MARCHF10: variants seen among roughly 807,000 people sequenced by gnomAD.
MARCHF10 encodes the protein membrane associated ring-CH-type finger 10.
A neutral mutation model predicts 76.2 loss-of-function variants in MARCHF10; 64 were observed. That is an observed-to-expected ratio of 0.84 (90% CI 0.69 to 1.03). MARCHF10 has a LOEUF of 1.03. MARCHF10 is among the 50% of genes least tolerant of loss of function. The pLI is 0.00. For synonymous variants in MARCHF10, 340 were observed against 357.5 expected, an observed-to-expected ratio of 0.95 and a Z score of 0.55; for missense variants, 875 against 958.0, an observed-to-expected ratio of 0.91 and a Z score of 1.14.
chr17:62,701,825 C>T lies in MARCHF10; in HGVS notation c.2372-67G>A, dbSNP rs375530840. The T allele has an allele frequency of 3.1e-5, 50 of 1,596,900 alleles. No individual in the cohort carries two copies. In the Admixed American group the frequency reaches 3.2e-4, roughly 10 times the overall value. ...GACCGTGGGTCTGTTACAGGGGGCA[C>T]GGCACTGCTGCTTCATCTTCTCCCA... On this transcript the variant is annotated intron_variant, in intron 10 of 10. Transcript: ENST00000311269.
chr17:62,786,950 T>G (rs1423531904), intron 3 of MARCHF10, among the ~76,000 whole-genome samples: 1 of 152,220 alleles, frequency 6.6e-6, no homozygotes. Context: ...TTGAATTATA[T>G]TTTCTTATCT....
chr17:62,740,819 G>A (rs1445774874), intron 5 of MARCHF10, among the ~76,000 whole-genome samples: 1 of 151,950 alleles, frequency 6.6e-6, no homozygotes, highest in Non-Finnish European at 1.5e-5. Flanking sequence ...CTAGAGATGG[G>A]GTCTCACTTT....
intron 2 of MARCHF10, among the ~76,000 whole-genome samples, chr17:62,789,746 T>C (rs2148127148): frequency 6.6e-6 from 1 of 152,292 alleles, no homozygotes; most frequent in East Asian, 1.9e-4. Context: ...GAGACCAACC[T>C]GGCCAACATA....
intron 3 of MARCHF10, among the ~76,000 whole-genome samples, chr17:62,779,126 G>A (rs376728296): frequency 2.6e-5 from 4 of 152,268 alleles, no homozygotes; most frequent in South Asian, 2.1e-4. Context: ...CCTCGAGGGC[G>A]CAGAATCTGA....
intron 9 of MARCHF10, chr17:62,707,500 C>A (rs1217215818): frequency 6.6e-6 from 1 of 152,286 alleles, no homozygotes; most frequent in African/African-American, 2.4e-5. Flanking sequence ...GGTTTGCCAC[C>A]AGGCTCCCAA....
At chr17:62,788,434 G>C (rs762484640) in intron 3 of MARCHF10, 46 bp downstream of exon 3, 69 of 1,526,168 alleles carry the variant, frequency 4.5e-5, no homozygotes, top group Middle Eastern at 1.7e-4. Flanking sequence ...ACCACCACCA[G>C]CAGCAGCAGC....
In MARCHF10 at chr17:62,801,767, TAAAC is replaced by T. The variant is rs1283049728; in HGVS notation, c.-17-19_-17-16del. On this transcript the variant is annotated splice_polypyrimidine_tract_variant and intron_variant, in intron 1 of 10. Coordinates refer to ENST00000311269, the MANE Select transcript of MARCHF10 (RefSeq NM_152598.4). Reference sequence around the variant, plus strand: ...TAATCCCTGACCTGCACAGAAAAGATAAACAAATGTGCTGTGTTAGAGTCCTTTG... The same window carrying T: ...TAATCCCTGACCTGCACAGAAAAGATAAATGTGCTGTGTTAGAGTCCTTTG... 5 of 1,560,664 alleles carry T rather than the reference TAAAC, an allele frequency of 3.2e-6. No individual in the cohort carries two copies. The highest frequency in any genetic ancestry group is 4.4e-6 in the Non-Finnish European group (5 of 1,131,446).
At chr17:62,715,142 C>T (rs1490577254) in intron 8 of MARCHF10, among the ~76,000 whole-genome samples, 3 of 152,180 alleles carry the variant, frequency 2.0e-5, no homozygotes, top group Non-Finnish European at 2.9e-5. Flanking sequence ...ATGATGCTAA[C>T]GCTCCTGGTT....
chr17:62,785,204 G>T (rs1470566807), intron 3 of MARCHF10, among the ~76,000 whole-genome samples: 1 of 152,004 alleles, frequency 6.6e-6, no homozygotes, highest in Non-Finnish European at 1.5e-5. Context: ...CAGAAAAGAG[G>T]CCTCAGAAAT....
chr17:62,722,660 G>A, intron 7 of MARCHF10, 63 bp from the exon 8 acceptor site: 1 of 1,385,272 alleles, frequency 7.2e-7, no homozygotes, highest in Non-Finnish European at 1.0e-6. Context: ...TAGCACTTTG[G>A]ACAGGTGATA....
intron 9 of MARCHF10, among the ~76,000 whole-genome samples, chr17:62,710,550 C>CTTTT (rs552647502): frequency 0.018 from 1,564 of 88,626 alleles, 117 homozygotes; most frequent in African/African-American, 0.022. Context: ...TTGAACCCAG[C>CTTTT]TTTTTTTTTT....
chr17:62,752,208 C>T (rs1319701006), intron 4 of MARCHF10, among the ~76,000 whole-genome samples: 1 of 152,112 alleles, frequency 6.6e-6, no homozygotes, highest in Non-Finnish European at 1.5e-5. Context: ...TCATTCTTCT[C>T]TTTACAGTTG....
rs777547765 is a variant in MARCHF10, at chr17:62,722,638, G to T, written c.2105-41C>A. 4 of 1,526,808 alleles carry T rather than the reference G, an allele frequency of 2.6e-6. No homozygotes were observed. In the South Asian group the frequency reaches 4.7e-5, roughly 18 times the overall value. The allele number at this position is 1,526,808 out of a possible 1,614,324, so 94.6% of individuals were successfully genotyped here. ...GAATTATATGTACATATAACCATGG[G>T]TCTGTTTGTGTTAGCACTTTGGACA... On this transcript the variant is annotated intron_variant, in intron 7 of 10. Transcript: ENST00000311269.
intron 3 of MARCHF10, among the ~76,000 whole-genome samples, chr17:62,780,076 G>T (rs986532806): frequency 4.0e-5 from 6 of 151,430 alleles, no homozygotes; most frequent in African/African-American, 1.5e-4. Flanking sequence ...CAGCCTGGGT[G>T]ACAGAGCGAG....
intron 2 of MARCHF10, among the ~76,000 whole-genome samples, chr17:62,789,535 G>A (rs2092806746): frequency 1.3e-5 from 2 of 152,162 alleles, no homozygotes; most frequent in South Asian, 4.1e-4. Flanking sequence ...ATTGTAGGTA[G>A]TTGTTTGTGG....
intron 3 of MARCHF10, chr17:62,780,812 C>G (rs1368141206): frequency 6.6e-6 from 1 of 152,076 alleles, no homozygotes; most frequent in Non-Finnish European, 1.5e-5. Flanking sequence ...GAGAAGGGCC[C>G]GTGATGTGTT....
intron 3 of MARCHF10, among the ~76,000 whole-genome samples, chr17:62,775,660 G>A (rs2092540488): frequency 6.6e-6 from 1 of 151,126 alleles, no homozygotes; most frequent in South Asian, 2.1e-4. Flanking sequence ...TATAATTTCT[G>A]AATGAATAAA....
At position 62,711,914 on chromosome 17, in the gene MARCHF10, CT is replaced by C. The variant is rs1016566807; in HGVS notation, c.2215-571del. On this transcript the variant is annotated intron_variant, in intron 8 of 10. Coordinates refer to ENST00000311269, the MANE Select transcript of MARCHF10 (RefSeq NM_152598.4). The surrounding 1 kb of genome is among the most constrained non-coding windows in gnomAD (Gnocchi z 4.4). ...CATTCGTCTTGATCTTGCATATCAC[CT>C]TTTGCACTTGTTAACGTTTCCGCTT... 6.6e-6 allele frequency among the ~76,000 whole-genome samples: 1 copy of C among 152,198 alleles called. No homozygotes were observed. The highest frequency in any genetic ancestry group is 2.4e-5 in the African/African-American group (1 of 41,460).
chr17:62,726,154 A>C (rs1463008936), intron 6 of MARCHF10: 2 of 152,254 alleles, frequency 1.3e-5, no homozygotes, highest in African/African-American at 2.4e-5. Context: ...ACGAAAATGT[A>C]AGTAAAGATA....
Sources: gnomAD v4.1 joint callset for allele counts (sites outside exome capture counted in the v4.1 genomes callset) on GRCh38, gnomAD v4.1.1 for gene constraint, Gnocchi (gnomAD v3.1) non-coding constraint, MANE v1.5 for transcripts, NCBI Gene and HGNC (gene_info 2026-07-23, HGNC 2026-07-21) for gene names.